ERC1: variants seen among roughly 807,000 people sequenced by gnomAD.
ERC1 encodes the protein RAB6 interacting protein 2.
ERC1 carries 56 observed loss-of-function variants against 132.0 expected under a neutral mutation model. The observed-to-expected ratio is 0.42, with a 90% CI of 0.34 to 0.53. The LOEUF (loss-of-function observed/expected upper bound fraction) is 0.53. Among genes scored for constraint, ERC1 ranks in the 20% least tolerant of loss-of-function variants. The pLI, the probability that ERC1 is intolerant of heterozygous loss-of-function variation, is 0.03. For missense variants in ERC1, 1,202 were observed against 1,349.9 expected, an observed-to-expected ratio of 0.89 and a Z score of 1.72; for synonymous variants, 478 against 476.1, an observed-to-expected ratio of 1.00 and a Z score of -0.05.
At chr12:1,395,733 A>G (rs987702225) in intron 16 of ERC1, among the ~76,000 whole-genome samples, 4 of 152,214 alleles carry the variant, frequency 2.6e-5, no homozygotes, top group Admixed American at 2.6e-4. Context: ...AACGGTCATG[A>G]TGAGATGGAA....
intron 1 of ERC1, among the ~76,000 whole-genome samples, chr12:1,026,971 G>A (rs1014235532): frequency 6.6e-6 from 1 of 152,180 alleles, no homozygotes; most frequent in African/African-American, 2.4e-5. Context: ...CTGGGATTGT[G>A]CTAAGTAGTT....
Position 1,371,952 on chromosome 12 carries a change from G to T in ERC1, c.2900G>T (p.Arg967Leu), listed in dbSNP as rs772856192. ...EVAALKREKD[R>L]LVQQLKQQTQ... Reference sequence around the variant, plus strand: ...GCTGCCCTGAAGCGGGAGAAGGATCGTCTGGTACAGCAGCTTAAGCAGCAG... The same window carrying T: ...GCTGCCCTGAAGCGGGAGAAGGATCTTCTGGTACAGCAGCTTAAGCAGCAG... Residue 967 changes from arginine to leucine, a missense_variant, in exon 16 of 19, where the codon CGT becomes CTT. Coordinates refer to ENST00000360905, the MANE Select transcript of ERC1 (RefSeq NM_178040.4). 6.2e-7 allele frequency: 1 copy of T among 1,613,980 alleles called. No individual in the cohort carries two copies. Among genetic ancestry groups the T allele is most frequent in the Non-Finnish European group, 8.5e-7 (1 of 1,180,032 alleles).
chr12:1,365,565 T>A (rs974392947), intron 15 of ERC1, among the ~76,000 whole-genome samples: 5 of 152,186 alleles, frequency 3.3e-5, no homozygotes, highest in East Asian at 1.9e-4. Context: ...TTCCAACTAT[T>A]CCTAAGCACA....
At chr12:1,051,129 A>G (rs187811828) in intron 2 of ERC1, among the ~76,000 whole-genome samples, 81 of 152,334 alleles carry the variant, frequency 5.3e-4, no homozygotes, top group African/African-American at 1.9e-3. Flanking sequence ...AGAGACAAAA[A>G]GTTTCACTTA....
Position 1,328,985 on chromosome 12 carries a change from TAAAAA to T in ERC1, c.2780+38987_2780+38991del, listed in dbSNP as rs113967541. ...AAATAAATGTCTATTTAAAAGTTAC[TAAAAA>T]AAAAAAAAAAAAAGCCTTAGCGACC... On this transcript the variant is annotated intron_variant, in intron 15 of 18. Coordinates refer to ENST00000360905, the MANE Select transcript of ERC1 (RefSeq NM_178040.4). Among the ~76,000 whole-genome samples, 5 of 86,764 alleles carry T rather than the reference TAAAAA, an allele frequency of 5.8e-5. 1 individual carries two copies. The highest frequency in any genetic ancestry group is 1.8e-4 in the African/African-American group (5 of 27,262). The allele number at this position is 86,764 out of a possible 152,430, so 56.9% of individuals were successfully genotyped here.
intron 2 of ERC1, among the ~76,000 whole-genome samples, chr12:1,078,153 A>G (rs529879687): frequency 6.6e-6 from 1 of 152,264 alleles, no homozygotes; most frequent in East Asian, 1.9e-4. Flanking sequence ...TCCTGACTTG[A>G]ATGAATTGAT....
At chr12:1,158,134 C>A (rs1022457440) in intron 8 of ERC1, among the ~76,000 whole-genome samples, 2 of 152,134 alleles carry the variant, frequency 1.3e-5, no homozygotes, top group African/African-American at 4.8e-5. Flanking sequence ...TATTTTAAAA[C>A]TTTCTGTGTC....
chr12:1,491,933 G>T lies in ERC1; in HGVS notation c.*1703G>T, dbSNP rs1334823414. On this transcript the variant is annotated 3_prime_UTR_variant, in exon 19 of 19. Transcript: ENST00000360905. ...TCACATCTCCTGATAAGAGTTGCTG[G>T]ACTCGATGTTTTTGTTTTGCATTTT... The T allele has an allele frequency of 1.3e-5, 3 of 232,622 alleles. No individual in the cohort carries two copies. The highest frequency in any genetic ancestry group is 2.5e-5 in the Non-Finnish European group (3 of 117,768). 14.4% of individuals were successfully genotyped at this position (232,622 alleles called of 1,614,324 possible). A position where few individuals can be genotyped will look rare whatever the true frequency, so the allele number is the denominator to read the frequency against.
At chr12:1,234,329 A>C (rs60471119) in intron 12 of ERC1, among the ~76,000 whole-genome samples, 4,332 of 152,336 alleles carry the variant, frequency 0.028, 212 homozygotes, top group African/African-American at 0.099. Context: ...CACAACCAGG[A>C]GAGTAAACAA....
intron 18 of ERC1, among the ~76,000 whole-genome samples, chr12:1,459,385 T>C (rs2093603282): frequency 1.3e-5 from 2 of 152,192 alleles, no homozygotes; most frequent in South Asian, 4.1e-4. Context: ...GAGAAATTTC[T>C]TTCAGATCTC....
chr12:1,042,930 T>C (rs945806196), intron 2 of ERC1, among the ~76,000 whole-genome samples: 1 of 152,190 alleles, frequency 6.6e-6, no homozygotes, highest in African/African-American at 2.4e-5. Context: ...GTAATGAGTG[T>C]TTCCAGTCTT....
At chr12:1,277,629 A>G (rs947901674) in intron 14 of ERC1, among the ~76,000 whole-genome samples, 1 of 152,226 alleles carries the variant, frequency 6.6e-6, no homozygotes, top group African/African-American at 2.4e-5. Context: ...TTACAGATAC[A>G]AACGTTATTC....
intron 18 of ERC1, among the ~76,000 whole-genome samples, chr12:1,482,872 C>T (rs1009878299): frequency 5.3e-5 from 8 of 152,128 alleles, no homozygotes; most frequent in Admixed American, 2.0e-4. Flanking sequence ...AATTTTTGAA[C>T]ATTTTTGTCA....
At chr12:1,445,159 C>A in intron 18 of ERC1, 1 of 156,848 alleles carries the variant, frequency 6.4e-6, no homozygotes. Flanking sequence ...GTGGTGAAAA[C>A]ACTTTAAAAT....
At chr12:992,839 G>A (rs1279544465) in intron 1 of ERC1, among the ~76,000 whole-genome samples, 1 of 152,236 alleles carries the variant, frequency 6.6e-6, no homozygotes, top group Non-Finnish European at 1.5e-5. Context: ...GATGGAAGTA[G>A]ACATGGCTCT....
chr12:1,433,121 T>C (rs2092846210), intron 17 of ERC1, among the ~76,000 whole-genome samples: 1 of 152,150 alleles, frequency 6.6e-6, no homozygotes, highest in South Asian at 2.1e-4. Context: ...AAAGAAATGT[T>C]TAGGTAGATG....
chr12:1,400,916 A>ATTTTTTTT (rs869202443), intron 16 of ERC1, among the ~76,000 whole-genome samples: 7 of 15,056 alleles, frequency 4.6e-4, no homozygotes, highest in African/African-American at 6.2e-4. Flanking sequence ...CTATTTTTGT[A>ATTTTTTTT]TTTTTTTTTT....
At chr12:1,025,201 GA>G (rs1426363144) in intron 1 of ERC1, among the ~76,000 whole-genome samples, 3 of 150,484 alleles carry the variant, frequency 2.0e-5, no homozygotes, top group South Asian at 2.1e-4. Context: ...TTTCTTTTTT[GA>G]AAAAAAAATT....
intron 8 of ERC1, among the ~76,000 whole-genome samples, chr12:1,148,821 C>T (rs1950596222): frequency 6.6e-6 from 1 of 152,134 alleles, no homozygotes; most frequent in Admixed American, 6.5e-5. Context: ...AGGCTGGTCT[C>T]AAACTTCTGA....
Sources: gnomAD v4.1 joint callset for allele counts (sites outside exome capture counted in the v4.1 genomes callset) on GRCh38, gnomAD v4.1.1 for gene constraint, MANE v1.5 for transcripts, NCBI Gene and HGNC (gene_info 2026-07-23, HGNC 2026-07-21) for gene names.